FAT3: variants seen among roughly 807,000 people sequenced by gnomAD.
FAT3 encodes the protein protocadherin Fat 3.
Under a neutral mutation model 310.2 loss-of-function variants are expected in FAT3, and 95 were observed. The observed-to-expected ratio is 0.31, with a 90% CI of 0.26 to 0.36. The LOEUF (loss-of-function observed/expected upper bound fraction) is 0.36, where lower values mean the gene tolerates loss of function less well. Among genes scored for constraint, FAT3 ranks in the 10% least tolerant of loss-of-function variants. The pLI, the probability that FAT3 is intolerant of heterozygous loss-of-function variation, is 1.00. For synonymous variants in FAT3, 2,314 were observed against 2,192.9 expected, an observed-to-expected ratio of 1.06 and a Z score of -1.54; for missense variants, 5,408 against 5,715.6, an observed-to-expected ratio of 0.95 and a Z score of 1.74.
intron 2 of FAT3, among the ~76,000 whole-genome samples, chr11:92,501,176 T>C (rs1000611199): frequency 2.6e-5 from 4 of 152,082 alleles, no homozygotes; most frequent in Admixed American, 6.6e-5. Flanking sequence ...GAACTCATTA[T>C]AGTAACCATC....
chr11:92,411,813 G>A lies in FAT3; in HGVS notation c.3292+56409G>A, dbSNP rs577350819. On this transcript the variant is annotated intron_variant, in intron 2 of 27. Transcript: ENST00000525166. ...GCCTGTTTCCTCTGTTTGCATTCTC[G>A]GTGGAATTGTGAATCATGGTGATCA... Among the ~76,000 whole-genome samples, 25 of 151,740 alleles carry A rather than the reference G, an allele frequency of 1.6e-4. No individual in the cohort carries two copies. The East Asian group carries it at 1.9e-3, about 12-fold the overall frequency.
chr11:92,824,487 A>G lies in FAT3; in HGVS notation c.9482-7135A>G, dbSNP rs986555077. Among the ~76,000 whole-genome samples the G allele has an allele frequency of 2.0e-4, 30 of 152,356 alleles. 2 individuals are homozygous for G. In the East Asian group the frequency reaches 5.2e-3, roughly 26 times the overall value. ...TTCTGAAGACAAACTATAATGGAGA[A>G]TAGAAATATCCAGAAAAAGTAGCCT... On this transcript the variant is annotated intron_variant, in intron 13 of 27. Coordinates refer to ENST00000525166, the MANE Select transcript of FAT3 (RefSeq NM_001367949.2).
chr11:92,598,020 C>A (rs1939803097), intron 3 of FAT3, among the ~76,000 whole-genome samples: 1 of 151,886 alleles, frequency 6.6e-6, no homozygotes, highest in Admixed American at 6.6e-5. Context: ...TACAATGTTG[C>A]TGGCTTTTTC....
At chr11:92,594,207 C>A (rs889762917) in intron 3 of FAT3, among the ~76,000 whole-genome samples, 1 of 152,178 alleles carries the variant, frequency 6.6e-6, no homozygotes, top group Non-Finnish European at 1.5e-5. Context: ...CTTTGGGAGG[C>A]CGAGGCCGGC....
At chr11:92,864,529 C>A (rs1452721450) in intron 21 of FAT3, among the ~76,000 whole-genome samples, 2 of 152,120 alleles carry the variant, frequency 1.3e-5, no homozygotes, top group Admixed American at 1.3e-4. Context: ...CATAAGATTA[C>A]ACGTGAGGCT....
At chr11:92,655,101 C>G (rs748800512) in intron 3 of FAT3, among the ~76,000 whole-genome samples, 1 of 152,172 alleles carries the variant, frequency 6.6e-6, no homozygotes, top group Non-Finnish European at 1.5e-5. Context: ...CCTTCCATAT[C>G]CCTCTTACTA....
intron 4 of FAT3, among the ~76,000 whole-genome samples, chr11:92,755,697 T>C (rs1434230289): frequency 6.6e-6 from 1 of 152,222 alleles, no homozygotes; most frequent in Non-Finnish European, 1.5e-5. Flanking sequence ...TAGAGCTTTC[T>C]GAAAATTGAA....
intron 3 of FAT3, among the ~76,000 whole-genome samples, chr11:92,597,517 G>A (rs1330506210): frequency 6.6e-6 from 1 of 152,160 alleles, no homozygotes; most frequent in Non-Finnish European, 1.5e-5. Context: ...TGGAGCCTTA[G>A]ACCATTTCTC....
chr11:92,537,586 T>C (rs1954302191), intron 3 of FAT3, among the ~76,000 whole-genome samples: 1 of 151,928 alleles, frequency 6.6e-6, no homozygotes, highest in Non-Finnish European at 1.5e-5. Context: ...AATTTCTGGG[T>C]GTGGTGGAAT....
At chr11:92,631,579 C>G (rs1364245148) in intron 3 of FAT3, among the ~76,000 whole-genome samples, 2 of 152,070 alleles carry the variant, frequency 1.3e-5, no homozygotes, top group Non-Finnish European at 2.9e-5. Flanking sequence ...TGCCTTTCTT[C>G]CCCTTCGCCT....
intron 3 of FAT3, among the ~76,000 whole-genome samples, chr11:92,562,920 A>G (rs573349): frequency 0.38 from 57,831 of 152,070 alleles, 11,922 homozygotes; most frequent in Middle Eastern, 0.53. Context: ...TCTTCTAGAA[A>G]CACCCTCACA....
At chr11:92,584,848 A>C (rs1186092874) in intron 3 of FAT3, among the ~76,000 whole-genome samples, 1 of 152,052 alleles carries the variant, frequency 6.6e-6, no homozygotes, top group Admixed American at 6.6e-5. Context: ...AAAAATTTAA[A>C]AAGAATGATT....
At chr11:92,805,904 G>A (rs778467913) in intron 11 of FAT3, among the ~76,000 whole-genome samples, 1 of 152,128 alleles carries the variant, frequency 6.6e-6, no homozygotes, top group Non-Finnish European at 1.5e-5. Flanking sequence ...GACAATATTG[G>A]TGTCCTATAG....
chr11:92,415,007 C>A (rs1400649787), intron 2 of FAT3, among the ~76,000 whole-genome samples: 5 of 144,992 alleles, frequency 3.4e-5, no homozygotes, highest in South Asian at 2.2e-4. Flanking sequence ...AAGATTTCGT[C>A]AAAAAAAAAA....
intron 2 of FAT3, among the ~76,000 whole-genome samples, chr11:92,443,639 TTTGAG>T (rs1194058544): frequency 6.6e-6 from 1 of 152,176 alleles, no homozygotes; most frequent in African/African-American, 2.4e-5. Flanking sequence ...AACATTACAT[TTTGAG>T]TTATCTCCTG....
chr11:92,313,390 C>T (rs746288950), intron 1 of FAT3, among the ~76,000 whole-genome samples: 3 of 152,100 alleles, frequency 2.0e-5, no homozygotes, highest in Non-Finnish European at 2.9e-5. Context: ...ACAGTAAATC[C>T]CAGTTTTTTA....
rs886233068 is a variant in FAT3 at position 92,592,522 on chromosome 11, G to A, written c.3607+67574G>A. ...TTTTTAGTAGAGATGGGATTTCACC[G>A]TGTTGGTCAGGCTGGTCTCAAATTC... On this transcript the variant is annotated intron_variant, in intron 3 of 27. Transcript: ENST00000525166. Among the ~76,000 whole-genome samples, 10 of 151,840 alleles carry A rather than the reference G, an allele frequency of 6.6e-5. No homozygotes were observed. The East Asian group carries it at 1.2e-3, about 18-fold the overall frequency.
chr11:92,837,681 C>T lies in FAT3; in HGVS notation c.10243C>T (p.Leu3415Phe). 2 of 1,613,926 alleles carry T rather than the reference C, an allele frequency of 1.2e-6. No homozygotes were observed. Among genetic ancestry groups the T allele is most frequent in the African/African-American group, 2.7e-5 (2 of 75,050 alleles). Residue 3415 changes from leucine (L) to phenylalanine (F), a missense_variant, in exon 17 of 28, where the codon CTT becomes TTT. Leu to Phe is a conservative substitution (Grantham distance 22). Coordinates refer to ENST00000525166, the MANE Select transcript of FAT3 (RefSeq NM_001367949.2). Reference sequence around the variant, plus strand: ...TTGGCAGGTGTCTGGATACTCTCTGCTTGTCCAGGCCGTAGACAGTGGCAT... The same window carrying T: ...TTGGCAGGTGTCTGGATACTCTCTGTTTGTCCAGGCCGTAGACAGTGGCAT... ...DRERVSGYSL[L>F]VQAVDSGIPA...
chr11:92,400,803 A>G (rs1343985622), intron 2 of FAT3: 2 of 152,186 alleles, frequency 1.3e-5, no homozygotes, highest in Non-Finnish European at 2.9e-5. Context: ...AGCACAGATC[A>G]ATAATATTCA....
Sources: allele counts gnomAD v4.1 joint callset (sites outside exome capture counted in the v4.1 genomes callset), GRCh38; gene constraint gnomAD v4.1.1; transcripts MANE v1.5; gene names NCBI Gene and HGNC (gene_info 2026-07-23, HGNC 2026-07-21).